Variants in FBLN7 observed in about 807,000 individuals in gnomAD.
FBLN7 encodes fibulin 7, also known as fibulin-7.
A neutral mutation model predicts 44.0 loss-of-function variants in FBLN7; 31 were observed. The ratio of observed to expected loss-of-function variants is 0.70; its 90% CI spans 0.53 to 0.95. FBLN7 has a LOEUF of 0.95. Ranked by LOEUF, FBLN7 falls within the 40% of genes least tolerant of loss-of-function variation. The pLI, the probability that FBLN7 is intolerant of heterozygous loss-of-function variation, is 0.00. For synonymous variants in FBLN7, 262 were observed against 253.4 expected (o/e 1.03, Z -0.32); for missense variants, 573 against 618.5 (o/e 0.93, Z 0.78).
At chr2:112,226,717 G>A in the FBLN7 span, among the ~76,000 whole-genome samples, 3 of 151,850 alleles carry the variant, frequency 2.0e-5, no homozygotes, top group South Asian at 2.1e-4. Context: ...ATTCTAGGAG[G>A]CCAGTATTAC....
At chr2:112,147,367 TCTC>T (rs1173494519) in intron 1 of FBLN7, among the ~76,000 whole-genome samples, 1 of 152,218 alleles carries the variant, frequency 6.6e-6, no homozygotes, top group Non-Finnish European at 1.5e-5. Flanking sequence ...ACACAATTGA[TCTC>T]CTATAATGAC....
In FBLN7 at chr2:112,187,880, C is replaced by T. The variant is rs187004614; in HGVS notation, c.*374C>T. On this transcript the variant is annotated 3_prime_UTR_variant, in exon 8 of 8. Coordinates refer to ENST00000331203, the MANE Select transcript of FBLN7 (RefSeq NM_153214.3). The surrounding 1 kb of genome is among the most constrained non-coding windows in gnomAD (Gnocchi z 5.1). The stretch of plus-strand genomic sequence containing the variant: ...GTGTGTCAGGTGACTATCAGCCCTT[C>T]TGCCTTTTTGTAGCCAGGCTTGCTA... 3 of 355,838 alleles carry T rather than the reference C, an allele frequency of 8.4e-6. No homozygotes were observed. In the East Asian group the frequency reaches 1.4e-4, roughly 17 times the overall value. The allele number at this position is 355,838 out of a possible 1,614,324, so 22.0% of individuals were successfully genotyped here. A position where few individuals can be genotyped will look rare whatever the true frequency, so the allele number is the denominator to read the frequency against.
chr2:112,159,528 G>C, intron 1 of FBLN7, 148 bp from the exon 2 acceptor site: 1 of 891,998 alleles, frequency 1.1e-6, no homozygotes. Context: ...ACTTGGGGCT[G>C]TCCAGCGGCA....
chr2:112,139,828 C>T (rs1364456363), intron 1 of FBLN7, among the ~76,000 whole-genome samples: 13 of 63,966 alleles, frequency 2.0e-4, no homozygotes, highest in Admixed American at 2.7e-4. Context: ...TCTCTCCAGG[C>T]CAGTGTCCCT....
the FBLN7 span, among the ~76,000 whole-genome samples, chr2:112,232,817 G>C: frequency 6.6e-6 from 1 of 152,200 alleles, no homozygotes; most frequent in Admixed American, 6.5e-5. Flanking sequence ...ACTTGTCTGT[G>C]CCATTTGCAC....
Position 112,138,876 on chromosome 2 carries a change from T to A in FBLN7, c.75+146T>A, listed in dbSNP as rs1680490468. On this transcript the variant is annotated intron_variant, in intron 1 of 7. Transcript: ENST00000331203. ...CTCTCTCCCCTGTCCCTCCCGCCTCTCTCCAGGTCAGTGTCCCTCCCGCCT... is the reference window on the plus strand; with the variant it reads ...CTCTCTCCCCTGTCCCTCCCGCCTCACTCCAGGTCAGTGTCCCTCCCGCCT... 1.1e-5 allele frequency: 14 copies of A among 1,227,612 alleles called. 1 individual carries two copies. Among genetic ancestry groups the A allele is most frequent in the Admixed American group, 2.8e-5 (1 of 35,742 alleles). The allele number at this position is 1,227,612 out of a possible 1,614,324, so 76.0% of individuals were successfully genotyped here. A position where few individuals can be genotyped will look rare whatever the true frequency, so the allele number is the denominator to read the frequency against.
chr2:112,172,367 A>G (rs1682507123), intron 3 of FBLN7, among the ~76,000 whole-genome samples: 2 of 152,138 alleles, frequency 1.3e-5, no homozygotes, highest in African/African-American at 4.8e-5. Context: ...CACTTTCAAA[A>G]AGTGTGCAGC....
chr2:112,181,181 C>G (rs894690315), intron 4 of FBLN7, among the ~76,000 whole-genome samples: 5 of 151,850 alleles, frequency 3.3e-5, no homozygotes, highest in Admixed American at 3.3e-4. Flanking sequence ...ACTGGGTCTA[C>G]TTGAGGGGTT....
chr2:112,231,339 A>G, the FBLN7 span, among the ~76,000 whole-genome samples: 3 of 152,214 alleles, frequency 2.0e-5, no homozygotes, highest in African/African-American at 2.4e-5. Flanking sequence ...TAAATTTTTA[A>G]GAGACTAGCT....
intron 6 of FBLN7, among the ~76,000 whole-genome samples, chr2:112,183,639 G>A (rs1683109946): frequency 1.3e-5 from 2 of 152,170 alleles, no homozygotes; most frequent in South Asian, 4.1e-4. Context: ...AGCCTCTCAG[G>A]TGCAGAGAGT....
chr2:112,142,341 G>T (rs2104533081), intron 1 of FBLN7, among the ~76,000 whole-genome samples: 1 of 152,306 alleles, frequency 6.6e-6, no homozygotes, highest in Non-Finnish European at 1.5e-5. Context: ...CTCTGGCGTA[G>T]TACCGATCAT....
At chr2:112,226,204 C>CA in the FBLN7 span, among the ~76,000 whole-genome samples, 1 of 150,580 alleles carries the variant, frequency 6.6e-6, no homozygotes. Context: ...TGGAAAGATA[C>CA]AAATTACCAA....
the FBLN7 span, among the ~76,000 whole-genome samples, chr2:112,201,476 G>T: frequency 2.0e-5 from 3 of 152,208 alleles, no homozygotes; most frequent in African/African-American, 7.2e-5. Flanking sequence ...TTGGCAGAAG[G>T]CCTGCACATC....
intron 3 of FBLN7, among the ~76,000 whole-genome samples, chr2:112,172,377 C>CT (rs1462140443): frequency 6.6e-6 from 1 of 152,110 alleles, no homozygotes; most frequent in African/African-American, 2.4e-5. Flanking sequence ...AAGTGTGCAG[C>CT]TTTTTTACTG....
downstream of FBLN7, among the ~76,000 whole-genome samples, chr2:112,193,133 A>C (rs549697750): frequency 6.6e-6 from 1 of 152,306 alleles, no homozygotes; most frequent in Middle Eastern, 3.4e-3. Flanking sequence ...ATGGATGCTC[A>C]AGTCCCTGAT....
the FBLN7 span, chr2:112,215,014 GC>G: frequency 1.3e-5 from 2 of 151,936 alleles, no homozygotes; most frequent in African/African-American, 4.8e-5. Context: ...GATGGGTACT[GC>G]CTCAGAAATA....
rs1680461460 is a variant in FBLN7 at position 112,138,565 on chromosome 2, C to T, written c.-91C>T. 6.2e-7 allele frequency: 1 copy of T among 1,600,488 alleles called. No homozygotes were observed. Among genetic ancestry groups the T allele is most frequent in the East Asian group, 2.3e-5 (1 of 44,180 alleles). On this transcript the variant is annotated 5_prime_UTR_variant, in exon 1 of 8. Coordinates refer to ENST00000331203, the MANE Select transcript of FBLN7 (RefSeq NM_153214.3). ...CCCCGGCCGCGCGGCGCCCCGCACCCTGCAGGGACGGCTGCCGCATCGCTG... is the reference window on the plus strand; with the variant it reads ...CCCCGGCCGCGCGGCGCCCCGCACCTTGCAGGGACGGCTGCCGCATCGCTG...
At chr2:112,161,571 G>C (rs1461212151) in intron 2 of FBLN7, among the ~76,000 whole-genome samples, 3 of 152,192 alleles carry the variant, frequency 2.0e-5, no homozygotes, top group Admixed American at 2.0e-4. Context: ...ACTCCACAAA[G>C]CCTTCCTTGT....
At position 112,165,144 on chromosome 2, in the gene FBLN7, T is replaced by C; in HGVS notation, c.379T>C (p.Trp127Arg). The C allele has an allele frequency of 1.9e-6, 3 of 1,614,214 alleles. No individual in the cohort carries two copies. Among genetic ancestry groups the C allele is most frequent in the Non-Finnish European group, 2.5e-6 (3 of 1,180,034 alleles). ...SSVVCLPNGT[W>R]TGEQPHCRGI... Reference sequence around the variant, plus strand: ...CGTGGTGTGTCTTCCCAATGGCACCTGGACAGGGGAGCAGCCCCACTGTAG... The same window carrying C: ...CGTGGTGTGTCTTCCCAATGGCACCCGGACAGGGGAGCAGCCCCACTGTAG... The change falls in exon 3 of 8, where the codon TGG (tryptophan) becomes CGG (arginine). Residue 127 changes from tryptophan (W) to arginine (R), a missense_variant. Trp to Arg is a moderately radical substitution (Grantham distance 101). Coordinates refer to ENST00000331203, the MANE Select transcript of FBLN7 (RefSeq NM_153214.3).
Sources: allele counts gnomAD v4.1 joint callset (sites outside exome capture counted in the v4.1 genomes callset), GRCh38; gene constraint gnomAD v4.1.1; non-coding constraint Gnocchi (gnomAD v3.1); transcripts MANE v1.5; gene names NCBI Gene and HGNC (gene_info 2026-07-23, HGNC 2026-07-21).